Variants in RASAL2 observed in about 807,000 individuals in gnomAD.
RASAL2 encodes RAS protein activator like 2.
A neutral mutation model predicts 128.9 loss-of-function variants in RASAL2; 58 were observed. The observed-to-expected ratio is 0.45, with a 90% confidence interval of 0.36 to 0.56. RASAL2 has a LOEUF of 0.56. Ranked by LOEUF, RASAL2 falls within the 20% of genes least tolerant of loss-of-function variation. The pLI is 0.00. For missense variants in RASAL2, 1,360 were observed against 1,601.6 expected (o/e 0.85, Z 2.57); for synonymous variants, 561 against 580.8 (o/e 0.97, Z 0.49).
intron 1 of RASAL2, among the ~76,000 whole-genome samples, chr1:178,131,191 G>A (rs1660101257): frequency 6.6e-6 from 1 of 151,820 alleles, no homozygotes; most frequent in Admixed American, 6.6e-5. Flanking sequence ...TTAAAGGCAA[G>A]CCTCTTAAAT....
chr1:178,116,800 C>T (rs1490195802), intron 1 of RASAL2, among the ~76,000 whole-genome samples: 1 of 151,920 alleles, frequency 6.6e-6, no homozygotes, highest in African/African-American at 2.4e-5. Flanking sequence ...TTAGTTGAGA[C>T]GGGGTTTCAC....
chr1:178,120,178 T>C (rs1192094539), intron 1 of RASAL2, among the ~76,000 whole-genome samples: 1 of 152,232 alleles, frequency 6.6e-6, no homozygotes, highest in Non-Finnish European at 1.5e-5. Flanking sequence ...CTTCGTTTGA[T>C]AGCTAGTCAT....
At chr1:178,151,187 C>T (rs1332164394) in intron 1 of RASAL2, among the ~76,000 whole-genome samples, 1 of 152,098 alleles carries the variant, frequency 6.6e-6, no homozygotes, top group Non-Finnish European at 1.5e-5. Flanking sequence ...GGGTGGATCA[C>T]TTGAGGTCAG....
chr1:178,447,209 C>G lies in RASAL2; in HGVS notation c.1627+1547C>G, dbSNP rs987434430. On this transcript the variant is annotated intron_variant, in intron 9 of 17. Coordinates refer to ENST00000367649, the MANE Select transcript of RASAL2 (RefSeq NM_170692.4). The stretch of plus-strand genomic sequence containing the variant: ...TGGTGGCTCACATCTATAGTTCCAG[C>G]TACTCAGGAGGCCAAGGTAAGAGAA... Among the ~76,000 whole-genome samples, 3 of 151,990 alleles carry G rather than the reference C, an allele frequency of 2.0e-5. No homozygotes were observed. In the East Asian group the frequency reaches 5.8e-4, roughly 29 times the overall value.
intron 1 of RASAL2, among the ~76,000 whole-genome samples, chr1:178,217,815 A>G (rs1663474706): frequency 1.3e-5 from 2 of 152,182 alleles, no homozygotes; most frequent in South Asian, 4.2e-4. Flanking sequence ...TTCTTAAAAG[A>G]AGACGACAAT....
intron 1 of RASAL2, among the ~76,000 whole-genome samples, chr1:178,098,956 A>C (rs1658791445): frequency 6.6e-6 from 1 of 152,212 alleles, no homozygotes; most frequent in Admixed American, 6.5e-5. Flanking sequence ...GAATTAATAG[A>C]AGTTCATATT....
intron 1 of RASAL2, among the ~76,000 whole-genome samples, chr1:178,262,197 G>C (rs1018838271): frequency 6.6e-6 from 1 of 152,152 alleles, no homozygotes; most frequent in Non-Finnish European, 1.5e-5. Context: ...AAGAGAAAGT[G>C]GGCAGGCTCC....
chr1:178,457,618 T>C (rs1413711530), intron 13 of RASAL2, 65 bp from the exon 14 acceptor site: 17 of 1,539,546 alleles, frequency 1.1e-5, no homozygotes, highest in Non-Finnish European at 1.5e-5. Flanking sequence ...TATGCCTGAA[T>C]TGAGGCATCT....
chr1:178,205,526 G>A (rs1340471299), intron 1 of RASAL2, among the ~76,000 whole-genome samples: 1 of 151,970 alleles, frequency 6.6e-6, no homozygotes, highest in African/African-American at 2.4e-5. Flanking sequence ...GGAGGCTGAG[G>A]TGGGCTGATC....
In RASAL2 at chr1:178,164,746, A is replaced by G. The variant is rs545754054; in HGVS notation, c.202+70052A>G. 2.7e-5 allele frequency among the ~76,000 whole-genome samples: 4 copies of G among 149,898 alleles called. No individual in the cohort carries two copies. In the East Asian group the frequency reaches 5.9e-4, roughly 22 times the overall value. On this transcript the variant is annotated intron_variant, in intron 1 of 17. Transcript: ENST00000367649. Reference sequence around the variant, plus strand: ...ATTTTGGTGGAGTGATATGTTGTCAATTTTCACTGATTGTTTTCCATTTCA... The same window carrying G: ...ATTTTGGTGGAGTGATATGTTGTCAGTTTTCACTGATTGTTTTCCATTTCA...
chr1:178,464,233 C>T (rs12039605), intron 14 of RASAL2, 45 bp from the exon 15 acceptor site: 158,882 of 1,555,206 alleles, frequency 0.1, 8,632 homozygotes, highest in Admixed American at 0.15. Context: ...ACATAGCACA[C>T]GGGTGAGCTG....
chr1:178,431,303 A>C (rs1440406947), intron 5 of RASAL2, among the ~76,000 whole-genome samples: 4 of 152,146 alleles, frequency 2.6e-5, no homozygotes, highest in African/African-American at 9.6e-5. Context: ...TTTATAATTC[A>C]CAGAAAAGGG....
At chr1:178,163,711 A>G (rs1377303697) in intron 1 of RASAL2, among the ~76,000 whole-genome samples, 1 of 152,174 alleles carries the variant, frequency 6.6e-6, no homozygotes, top group Non-Finnish European at 1.5e-5. Context: ...GATTGGGAAA[A>G]TGCGAGTACT....
At chr1:178,426,673 G>T (rs1227754411) in intron 5 of RASAL2, among the ~76,000 whole-genome samples, 1 of 151,866 alleles carries the variant, frequency 6.6e-6, no homozygotes, top group Non-Finnish European at 1.5e-5. Context: ...TGGGGGTGGG[G>T]GGATGACATT....
intron 1 of RASAL2, among the ~76,000 whole-genome samples, chr1:178,110,892 G>A (rs1279217261): frequency 2.0e-5 from 3 of 151,460 alleles, no homozygotes; most frequent in Non-Finnish European, 2.9e-5. Flanking sequence ...CACTGCACCC[G>A]GCCATACTGT....
rs76116241 is a variant in RASAL2 at position 178,148,464 on chromosome 1, T to A, written c.202+53770T>A. 4.6e-3 allele frequency among the ~76,000 whole-genome samples: 678 copies of A among 146,660 alleles called. 7 individuals carry two copies. The highest frequency in any genetic ancestry group is 0.017 in the African/African-American group (628 of 36,874). On this transcript the variant is annotated intron_variant, in intron 1 of 17. Coordinates refer to ENST00000367649, the MANE Select transcript of RASAL2 (RefSeq NM_170692.4). ...TATTTATTTATTTATTTATTTATTT[T>A]TTGAGATAGGGTCTCACTTTGTCAG...
intron 1 of RASAL2, among the ~76,000 whole-genome samples, chr1:178,190,266 T>C (rs1662447244): frequency 1.4e-5 from 2 of 142,886 alleles, no homozygotes; most frequent in Non-Finnish European, 2.9e-5. Context: ...CGTATATGTC[T>C]ATATTTTCCA....
At chr1:178,464,493 C>T in intron 15 of RASAL2, 81 bp downstream of exon 15, 3 of 1,518,054 alleles carry the variant, frequency 2.0e-6, no homozygotes, top group Non-Finnish European at 2.7e-6. Flanking sequence ...AGAACATAAA[C>T]TCATCCCACC....
intron 1 of RASAL2, among the ~76,000 whole-genome samples, chr1:178,152,212 A>C (rs896320862): frequency 2.0e-5 from 3 of 152,086 alleles, no homozygotes; most frequent in African/African-American, 7.2e-5. Flanking sequence ...CTCTTCCTTA[A>C]AACAGCAGTG....
Sources: gnomAD v4.1 joint callset for allele counts (sites outside exome capture counted in the v4.1 genomes callset) on GRCh38, gnomAD v4.1.1 for gene constraint, MANE v1.5 for transcripts, NCBI Gene and HGNC (gene_info 2026-07-23, HGNC 2026-07-21) for gene names.